SH3KBP1: variants seen among roughly 807,000 people sequenced by gnomAD.
SH3KBP1 encodes SH3 domain containing kinase binding protein 1, also known as SH3 domain-containing kinase-binding protein 1.
A neutral mutation model predicts 50.1 loss-of-function variants in SH3KBP1; 8 were observed. The observed-to-expected ratio is 0.16, with a 90% confidence interval of 0.09 to 0.29. The LOEUF is 0.29. Among genes scored for constraint, SH3KBP1 ranks in the 10% least tolerant of loss-of-function variants. SH3KBP1 has a pLI of 1.00. For synonymous variants in SH3KBP1, 227 were observed against 218.6 expected (o/e 1.04, Z -0.34); for missense variants, 377 against 535.2 (o/e 0.70, Z 2.92).
intron 8 of SH3KBP1, among the ~76,000 whole-genome samples, chrX:19,625,732 C>T (rs780663749): frequency 1.8e-5 from 2 of 112,222 alleles, no homozygotes; most frequent in Non-Finnish European, 3.8e-5. Flanking sequence ...TCCACAGACA[C>T]TTGCCCTGGA....
intron 9 of SH3KBP1, among the ~76,000 whole-genome samples, chrX:19,607,372 T>G (rs139074141): frequency 8.9e-6 from 1 of 112,481 alleles, no homozygotes; most frequent in African/African-American, 3.2e-5. Flanking sequence ...CAAACACAGA[T>G]GGAGTGGCTG....
At chrX:19,757,687 G>A (rs779930239) in intron 2 of SH3KBP1, among the ~76,000 whole-genome samples, 5 of 109,834 alleles carry the variant, frequency 4.6e-5, no homozygotes, top group East Asian at 2.9e-4. Context: ...TTTAAATTTG[G>A]AGCCCTCAAA....
chrX:19,701,287 C>T (rs746078864), intron 4 of SH3KBP1, among the ~76,000 whole-genome samples: 1 of 112,018 alleles, frequency 8.9e-6, no homozygotes, highest in African/African-American at 3.3e-5. Flanking sequence ...TCTCCCATTG[C>T]TATTTCCAGG....
At chrX:19,669,133 T>G (rs1272638602) in intron 6 of SH3KBP1, among the ~76,000 whole-genome samples, 2 of 98,590 alleles carry the variant, frequency 2.0e-5, no homozygotes, top group East Asian at 6.5e-4. Context: ...ACCCAGCTAA[T>G]TTTTGTATTT....
At chrX:19,854,378 A>C (rs1227381959) in intron 1 of SH3KBP1, among the ~76,000 whole-genome samples, 1 of 111,269 alleles carries the variant, frequency 9.0e-6, no homozygotes, top group Non-Finnish European at 1.9e-5. Flanking sequence ...CACCTCCCAA[A>C]GTGCTGGGAT....
intron 3 of SH3KBP1, among the ~76,000 whole-genome samples, chrX:19,726,155 C>T (rs989277866): frequency 9.0e-6 from 1 of 111,204 alleles, no homozygotes; most frequent in African/African-American, 3.3e-5. Flanking sequence ...AGGAGTAGAG[C>T]GGGAGTGGGA....
At chrX:19,786,501 G>A (rs976949872) in intron 2 of SH3KBP1, among the ~76,000 whole-genome samples, 2 of 112,413 alleles carry the variant, frequency 1.8e-5, no homozygotes, top group Admixed American at 9.4e-5. Flanking sequence ...TTATCTCTAA[G>A]ATATCTGGTG....
chrX:19,656,732 G>A (rs749458950), intron 6 of SH3KBP1, among the ~76,000 whole-genome samples: 12 of 111,816 alleles, frequency 1.1e-4, no homozygotes, highest in African/African-American at 3.6e-4. Context: ...TGCTAGTGTC[G>A]AAACGTTTAG....
chrX:19,744,965 G>A lies in SH3KBP1; in HGVS notation c.286+1353C>T, dbSNP rs147975283. ...GGCTGGCCAAAGAGGCCTTGCCGCT[G>A]GTCAACATGCGTGCAATTGCCGTGC... On this transcript the variant is annotated intron_variant, in intron 3 of 17. Transcript: ENST00000397821. 5.0e-3 allele frequency among the ~76,000 whole-genome samples: 567 copies of A among 112,405 alleles called. 5 individuals carry two copies. The highest frequency in any genetic ancestry group is 2.7e-3 in the Non-Finnish European group (143 of 53,241).
chrX:19,615,616 C>T (rs2067585350), intron 8 of SH3KBP1, among the ~76,000 whole-genome samples: 1 of 112,267 alleles, frequency 8.9e-6, no homozygotes, highest in Non-Finnish European at 1.9e-5. Flanking sequence ...ATCTCTGCCT[C>T]TGCTTGTTAA....
intron 8 of SH3KBP1, among the ~76,000 whole-genome samples, chrX:19,631,070 T>C (rs887698503): frequency 8.9e-6 from 1 of 112,147 alleles, no homozygotes; most frequent in African/African-American, 3.2e-5. Context: ...CAAGTCACAC[T>C]TGTGCTAAGG....
chrX:19,770,253 T>C (rs1000897064), intron 2 of SH3KBP1, among the ~76,000 whole-genome samples: 2 of 111,780 alleles, frequency 1.8e-5, no homozygotes, highest in African/African-American at 3.3e-5. Flanking sequence ...CCATGTGTTC[T>C]CATCCTTTAG....
chrX:19,539,102 T>C (rs2064808319), intron 16 of SH3KBP1, among the ~76,000 whole-genome samples: 1 of 111,973 alleles, frequency 8.9e-6, no homozygotes, highest in Non-Finnish European at 1.9e-5. Flanking sequence ...TGCACAGCAC[T>C]AACCATCCCA....
intron 6 of SH3KBP1, among the ~76,000 whole-genome samples, chrX:19,668,935 AAT>A (rs56844238): frequency 0.15 from 4,932 of 32,552 alleles, 323 homozygotes; most frequent in East Asian, 0.33. Context: ...GATTGAGGGT[AAT>A]ATATATATAT....
At chrX:19,544,785 T>G (rs887618239) in intron 15 of SH3KBP1, among the ~76,000 whole-genome samples, 2 of 111,922 alleles carry the variant, frequency 1.8e-5, no homozygotes, top group Non-Finnish European at 3.8e-5. Flanking sequence ...CAAGTGGAAT[T>G]TCTAGAAGCA....
rs183885126 is a variant in SH3KBP1 at position 19,780,801 on chromosome X, A to G, written c.163-34360T>C. ...GGGCTCTGTTCTGTTCCATTGATCT[A>G]TATCTCTGTTTTGGTACCAGTACCA... On this transcript the variant is annotated intron_variant, in intron 2 of 17. Transcript: ENST00000397821. Among the ~76,000 whole-genome samples the G allele has an allele frequency of 3.9e-3, 433 of 111,184 alleles. 1 individual carries two copies. The highest frequency in any genetic ancestry group is 0.013 in the African/African-American group (396 of 30,588).
chrX:19,534,626 A>C lies in SH3KBP1; in HGVS notation c.*1791T>G, dbSNP rs1470817712. 7.2e-6 allele frequency: 2 copies of C among 276,975 alleles called. No individual in the cohort carries two copies. The highest frequency in any genetic ancestry group is 5.6e-5 in the African/African-American group (2 of 35,769). 22.8% of individuals were successfully genotyped at this position (276,975 alleles called of 1,213,427 possible). A position where few individuals can be genotyped will look rare whatever the true frequency, so the allele number is the denominator to read the frequency against. The stretch of plus-strand genomic sequence containing the variant: ...TTTACGCTGCTCTTGGGAACCTGGC[A>C]CTCCTGACCCCAAGCACACTGAACC... On this transcript the variant is annotated 3_prime_UTR_variant, in exon 18 of 18. Coordinates refer to ENST00000397821, the MANE Select transcript of SH3KBP1 (RefSeq NM_031892.3).
chrX:19,720,165 C>T (rs1475834358), intron 3 of SH3KBP1, among the ~76,000 whole-genome samples: 1 of 111,100 alleles, frequency 9.0e-6, no homozygotes, highest in Non-Finnish European at 1.9e-5. Flanking sequence ...GGAATCACGT[C>T]ATAACATAAA....
At chrX:19,603,354 C>T (rs956298260) in intron 9 of SH3KBP1, among the ~76,000 whole-genome samples, 1 of 112,388 alleles carries the variant, frequency 8.9e-6, no homozygotes, top group African/African-American at 3.2e-5. Context: ...GACAAAATGA[C>T]CGGGGCAGGC....
Sources: gnomAD v4.1 joint callset for allele counts (sites outside exome capture counted in the v4.1 genomes callset) on GRCh38, gnomAD v4.1.1 for gene constraint, MANE v1.5 for transcripts, NCBI Gene and HGNC (gene_info 2026-07-23, HGNC 2026-07-21) for gene names.